NACC2: variants seen among roughly 807,000 people sequenced by gnomAD.
NACC2 encodes the protein nucleus accumbens-associated protein 2.
In NACC2, 8 loss-of-function variants were observed where a neutral mutation model predicts 25.1. The observed-to-expected ratio is 0.32, with a 90% CI of 0.19 to 0.57. The LOEUF is 0.57. Ranked by LOEUF, NACC2 falls within the 20% of genes least tolerant of loss-of-function variation. The probability of loss-of-function intolerance (pLI) is 0.89; values close to 1 mark genes in which losing one functional copy is unlikely to be tolerated. For synonymous variants in NACC2, 435 were observed against 294.7 expected (o/e 1.48, Z -4.88); for missense variants, 644 against 650.2 (o/e 0.99, Z 0.10).
intron 1 of NACC2, among the ~76,000 whole-genome samples, chr9:136,078,444 C>T (rs1830287383): frequency 6.6e-6 from 1 of 152,214 alleles, no homozygotes; most frequent in Non-Finnish European, 1.5e-5. Flanking sequence ...ATCCTTAATA[C>T]AGGTTTTTCC....
rs1229739038 is a variant in NACC2, at chr9:136,020,976, T to C, written c.887-4547A>G. Among the ~76,000 whole-genome samples, 1 of 152,104 alleles carries C rather than the reference T, an allele frequency of 6.6e-6. No individual in the cohort carries two copies. The highest frequency in any genetic ancestry group is 1.5e-5 in the Non-Finnish European group (1 of 68,028). On this transcript the variant is annotated intron_variant, in intron 2 of 5. Transcript: ENST00000277554. This position sits in a 1 kb window ranked among gnomAD's most constrained non-coding sequence, Gnocchi z 4.7. ...TGCAGAAGGTCTTTATGAGCTTAGG[T>C]TAAGCTAAAGTCTTAGACAAGGCCC...
At chr9:136,065,229 T>G (rs1452602681) in intron 1 of NACC2, among the ~76,000 whole-genome samples, 1 of 152,132 alleles carries the variant, frequency 6.6e-6, no homozygotes, top group Non-Finnish European at 1.5e-5. Flanking sequence ...CTCACACCTG[T>G]AATCCAACAC....
In NACC2 at chr9:136,081,093, G is replaced by A. The variant is rs578144965; in HGVS notation, c.-60+14096C>T. Among the ~76,000 whole-genome samples the A allele has an allele frequency of 2.8e-4, 42 of 152,162 alleles. 1 individual carries two copies. Among genetic ancestry groups the A allele is most frequent in the Non-Finnish European group, 4.4e-4 (30 of 67,992 alleles). ...GAACGGCTGCGGGGAGAAGAAACGC[G>A]CGTTTCCCATATTTCTCGTAACACA... On this transcript the variant is annotated intron_variant, in intron 1 of 5. Coordinates refer to ENST00000277554, the MANE Select transcript of NACC2 (RefSeq NM_144653.5).
chr9:136,030,119 C>G (rs1306811091), intron 2 of NACC2, among the ~76,000 whole-genome samples: 1 of 152,184 alleles, frequency 6.6e-6, no homozygotes, highest in Non-Finnish European at 1.5e-5. Flanking sequence ...AAGTGAGCCA[C>G]CCGCCTCAGC....
intron 2 of NACC2, among the ~76,000 whole-genome samples, chr9:136,043,643 G>C (rs1376931767): frequency 6.6e-6 from 1 of 152,200 alleles, no homozygotes; most frequent in Non-Finnish European, 1.5e-5. Context: ...AGAAGCAAAA[G>C]GGCAGTAGGA....
At chr9:136,077,063 C>T (rs4841914) in intron 1 of NACC2, among the ~76,000 whole-genome samples, 2 of 148,386 alleles carry the variant, frequency 1.3e-5, no homozygotes, top group Non-Finnish European at 3.0e-5. Flanking sequence ...GCCTGTAGTC[C>T]CAGCCACTTG....
rs1840155452 is a variant in NACC2, at chr9:136,013,981, A to G, written c.1052-12T>C. 6.2e-7 allele frequency: 1 copy of G among 1,609,718 alleles called. No individual in the cohort carries two copies. Among genetic ancestry groups the G allele is most frequent in the African/African-American group, 1.3e-5 (1 of 74,882 alleles). ...GTAGACCCCAGAGCCTGCAGCCACCAAACAGAAAAAGGGCTCGTGGCCTTC... is the reference window on the plus strand; with the variant it reads ...GTAGACCCCAGAGCCTGCAGCCACCGAACAGAAAAAGGGCTCGTGGCCTTC... On this transcript the variant is annotated splice_polypyrimidine_tract_variant and intron_variant, in intron 3 of 5. Transcript: ENST00000277554. The surrounding 1 kb of genome is among the most constrained non-coding windows in gnomAD (Gnocchi z 6.6).
At chr9:136,073,471 T>C (rs969425988) in intron 1 of NACC2, among the ~76,000 whole-genome samples, 1 of 151,772 alleles carries the variant, frequency 6.6e-6, no homozygotes, top group African/African-American at 2.4e-5. Flanking sequence ...AGGACCCCAG[T>C]AGGAGCTGCA....
intron 2 of NACC2, among the ~76,000 whole-genome samples, chr9:136,046,171 C>A (rs1340234116): frequency 6.6e-6 from 1 of 152,220 alleles, no homozygotes; most frequent in Admixed American, 6.5e-5. Flanking sequence ...CCCTGACTCA[C>A]CCCCGTGGTG....
chr9:136,028,652 A>T (rs1564223370), intron 2 of NACC2, among the ~76,000 whole-genome samples: 1 of 152,056 alleles, frequency 6.6e-6, no homozygotes, highest in South Asian at 2.1e-4. Flanking sequence ...CCCGCTTCCA[A>T]GTTGGAGGGG....
At chr9:136,047,507 C>T (rs1840748612) in intron 2 of NACC2, among the ~76,000 whole-genome samples, 14 of 152,154 alleles carry the variant, frequency 9.2e-5, no homozygotes. Context: ...GCCCACTTTC[C>T]ACCTCGCTGG....
chr9:136,029,056 G>C (rs1450167500), intron 2 of NACC2, among the ~76,000 whole-genome samples: 1 of 152,204 alleles, frequency 6.6e-6, no homozygotes, highest in Non-Finnish European at 1.5e-5. Flanking sequence ...GGATGGAAAG[G>C]GGTGGGTCCT....
chr9:136,030,481 G>A (rs564036326), intron 2 of NACC2, among the ~76,000 whole-genome samples: 1 of 151,856 alleles, frequency 6.6e-6, no homozygotes, highest in Non-Finnish European at 1.5e-5. Flanking sequence ...ATGGTGGCAG[G>A]CGCCTGTAGT....
chr9:136,049,529 C>T (rs1006795737), intron 2 of NACC2, 107 bp downstream of exon 2: 14 of 627,160 alleles, frequency 2.2e-5, no homozygotes, highest in Non-Finnish European at 3.7e-5. Context: ...GGGGGGCTCC[C>T]CTGTGGCCCC....
At chr9:136,069,577 AC>A (rs1841127199) in intron 1 of NACC2, among the ~76,000 whole-genome samples, 1 of 151,596 alleles carries the variant, frequency 6.6e-6, no homozygotes, top group African/African-American at 2.4e-5. Context: ...ACAAAACAAA[AC>A]AAAAAAAACA....
At chr9:136,092,654 G>C (rs1588587882) in intron 1 of NACC2, among the ~76,000 whole-genome samples, 2 of 152,236 alleles carry the variant, frequency 1.3e-5, no homozygotes, top group Non-Finnish European at 2.9e-5. Flanking sequence ...CTGAGGCAGG[G>C]ACATGTGCTA....
rs748736914 is a variant in NACC2 at position 136,012,053 on chromosome 9, C to T, written c.1256-29G>A. On this transcript the variant is annotated intron_variant, in intron 5 of 5. Transcript: ENST00000277554. Reference sequence around the variant, plus strand: ...TGAGGACGGGGCGGCGTGAGCTCAGCCACCTGCCTGCCGGGAGGCCCGCCC... The same window carrying T: ...TGAGGACGGGGCGGCGTGAGCTCAGTCACCTGCCTGCCGGGAGGCCCGCCC... 15 of 1,487,880 alleles carry T rather than the reference C, an allele frequency of 1.0e-5. No individual in the cohort carries two copies. In the South Asian group the frequency reaches 1.9e-4, roughly 18 times the overall value. The allele number at this position is 1,487,880 out of a possible 1,614,324, so 92.2% of individuals were successfully genotyped here.
In NACC2 at chr9:136,008,066, C is replaced by G. The variant is rs1840051778; in HGVS notation, c.*3450G>C. 1 of 152,290 alleles carries G rather than the reference C, an allele frequency of 6.6e-6. No homozygotes were observed. Among genetic ancestry groups the G allele is most frequent in the Admixed American group, 6.5e-5 (1 of 15,292 alleles). 9.4% of individuals were successfully genotyped at this position (152,290 alleles called of 1,614,324 possible). A position where few individuals can be genotyped will look rare whatever the true frequency, so the allele number is the denominator to read the frequency against. ...CCGCAGTCACCAACGCCGGCACCCC[C>G]AGGCGGGTCCTGCTGACCTCTTGCC... On this transcript the variant is annotated 3_prime_UTR_variant, in exon 6 of 6. Coordinates refer to ENST00000277554, the MANE Select transcript of NACC2 (RefSeq NM_144653.5).
chr9:136,011,559 G>T lies in NACC2; in HGVS notation c.1721C>A (p.Ala574Asp). 7.1e-7 allele frequency: 1 copy of T among 1,407,490 alleles called. No homozygotes were observed. Among genetic ancestry groups the T allele is most frequent in the Non-Finnish European group, 9.2e-7 (1 of 1,086,742 alleles). The allele number at this position is 1,407,490 out of a possible 1,614,324, so 87.2% of individuals were successfully genotyped here. ...GGPSRPQTPA[A>D]AARRPEGTYA... The stretch of plus-strand genomic sequence containing the variant: ...GGTGCCCTCCGGCCTCCGGGCCGCG[G>T]CCGCCGGCGTCTGGGGCCTGCTGGG... Residue 574 changes from alanine to aspartate, a missense_variant, in exon 6 of 6, where the codon GCC becomes GAC. Transcript: ENST00000277554.
Sources: gnomAD v4.1 joint callset for allele counts (sites outside exome capture counted in the v4.1 genomes callset) on GRCh38, gnomAD v4.1.1 for gene constraint, Gnocchi (gnomAD v3.1) non-coding constraint, MANE v1.5 for transcripts, NCBI Gene and HGNC (gene_info 2026-07-23, HGNC 2026-07-21) for gene names.